The following PPP1R10 variants were observed in gnomAD, a reference collection of about 807,000 sequenced individuals.
PPP1R10 encodes the protein serine/threonine-protein phosphatase 1 regulatory subunit 10.
PPP1R10 carries 15 observed loss-of-function variants against 99.0 expected under a neutral mutation model. The ratio of observed to expected loss-of-function variants is 0.15; its 90% CI spans 0.10 to 0.23. PPP1R10 has a LOEUF of 0.23. Ranked by LOEUF, PPP1R10 falls within the 10% of genes least tolerant of loss-of-function variation. The pLI, the probability that PPP1R10 is intolerant of heterozygous loss-of-function variation, is 1.00. For synonymous variants in PPP1R10, 430 were observed against 449.5 expected (o/e 0.96, Z 0.55); for missense variants, 947 against 1,259.4 (o/e 0.75, Z 3.75).
chr6:30,605,799 G>A (rs2127441257), intron 10 of PPP1R10, 124 bp downstream of exon 10: 1 of 918,716 alleles, frequency 1.1e-6, no homozygotes, highest in African/African-American at 1.7e-5. Flanking sequence ...GGCGGAGCTT[G>A]CAGTGAGCCA....
Position 30,601,427 on chromosome 6 carries a change from A to AG in PPP1R10, c.*121dup, listed in dbSNP as rs1803299539. The AG allele has an allele frequency of 1.3e-6, 1 of 764,308 alleles. No homozygotes were observed. The highest frequency in any genetic ancestry group is 2.7e-5 in the East Asian group (1 of 37,506). 47.3% of individuals were successfully genotyped at this position (764,308 alleles called of 1,614,324 possible). A position where few individuals can be genotyped will look rare whatever the true frequency, so the allele number is the denominator to read the frequency against. ...CAGGAACCCAAGCAAGTGGGAACTG[A>AG]GGGGGCCGGCTCCTCATCAGCTGGG... is the stretch of plus-strand genomic sequence containing the variant. On this transcript the variant is annotated 3_prime_UTR_variant, in exon 20 of 20. Coordinates refer to ENST00000376511, the MANE Select transcript of PPP1R10 (RefSeq NM_002714.4).
chr6:30,611,945 C>T (rs543145772), intron 2 of PPP1R10, among the ~76,000 whole-genome samples: 1 of 152,220 alleles, frequency 6.6e-6, no homozygotes, highest in South Asian at 2.1e-4. Context: ...AGGTATTCTT[C>T]CCATGTAGTG....
At chr6:30,607,052 ACTTGG>A (rs1281693963) in intron 6 of PPP1R10, among the ~76,000 whole-genome samples, 196 bp from the exon 7 acceptor site, 3 of 152,256 alleles carry the variant, frequency 2.0e-5, no homozygotes, top group Non-Finnish European at 2.9e-5. Context: ...GTTGTGTTCT[ACTTGG>A]ATAACTTTCA....
chr6:30,616,292 G>A (rs1190966099), intron 2 of PPP1R10, among the ~76,000 whole-genome samples, 186 bp downstream of exon 2: 2 of 152,204 alleles, frequency 1.3e-5, no homozygotes, highest in African/African-American at 2.4e-5. Flanking sequence ...TAGGTGGTAG[G>A]GGAGAGAGAA....
In PPP1R10 at chr6:30,604,139, C is replaced by A. The variant is rs749016537; in HGVS notation, c.1377G>T (p.Val459=). The stretch of plus-strand genomic sequence containing the variant: ...CCAGGGGCCGGGGGCACACCCAGGG[C>A]ACCTTCTCCTCCATGTTATCATGGC... ...RLSHDNMEEK[V]PWVCPRPLVL... Residue 459 remains valine, a synonymous_variant, in exon 14 of 20, where the codon GTG becomes GTT. Coordinates refer to ENST00000376511, the MANE Select transcript of PPP1R10 (RefSeq NM_002714.4). This position sits in a 1 kb window ranked among gnomAD's most constrained non-coding sequence, Gnocchi z 7.3. 9.9e-6 allele frequency: 16 copies of A among 1,614,032 alleles called. No homozygotes were observed. Among genetic ancestry groups the A allele is most frequent in the Non-Finnish European group, 1.4e-5 (16 of 1,180,028 alleles).
rs1436065875 is a variant in PPP1R10 at position 30,609,377 on chromosome 6, G to C, written c.108-214C>G. On this transcript the variant is annotated intron_variant, in intron 3 of 19. Coordinates refer to ENST00000376511, the MANE Select transcript of PPP1R10 (RefSeq NM_002714.4). The surrounding 1 kb of genome is among the most constrained non-coding windows in gnomAD (Gnocchi z 4.5). ...ACACCGCAGTCTCTGACCTGGGGAG[G>C]AGAGCATCGCTGCCTCCGTAACACA... is the stretch of plus-strand genomic sequence containing the variant. 6.6e-6 allele frequency among the ~76,000 whole-genome samples: 1 copy of C among 152,128 alleles called. No homozygotes were observed. Among genetic ancestry groups the C allele is most frequent in the African/African-American group, 2.4e-5 (1 of 41,418 alleles).
chr6:30,605,569 G>A (rs1803847112), intron 10 of PPP1R10, among the ~76,000 whole-genome samples: 1 of 152,084 alleles, frequency 6.6e-6, no homozygotes, highest in Admixed American at 6.5e-5. Context: ...TCCCATAAGA[G>A]TTTGCTCCTG....
Position 30,603,611 on chromosome 6 carries a change from C to A in PPP1R10, c.1628G>T (p.Gly543Val), listed in dbSNP as rs1483735884. Residue 543 changes from glycine (G) to valine (V), a missense_variant, in exon 16 of 20, where the codon GGT (glycine) becomes GTT (valine). Physicochemically the swap from Gly to Val is moderately radical, Grantham distance 109. This residue lies in a region of PPP1R10 where 525 missense variants were observed against 578.8 expected (regional missense o/e 0.91). Transcript: ENST00000376511. ...GCCTCCTGCCCCATCAGGTGAGCCA[C>A]CTGACCCCCCAGGTTCCAGAGTCTC... ...YVETLEPGGS[G>V]GSPDGAGGSK... The A allele has an allele frequency of 2.5e-6, 4 of 1,613,602 alleles. No homozygotes were observed. The African/African-American group carries it at 4.0e-5, about 16-fold the overall frequency.
chr6:30,611,986 A>G (rs1297387358), intron 2 of PPP1R10, among the ~76,000 whole-genome samples: 1 of 152,210 alleles, frequency 6.6e-6, no homozygotes, highest in East Asian at 1.9e-4. Flanking sequence ...TAGAAACTAT[A>G]AAGAGATACG....
rs975685846 is a variant in PPP1R10, at chr6:30,609,731, C to G, written c.107+107G>C. ...ATTTTAATCCTATTGCACTGACTAT[C>G]TTTCCCTTTCCTTTCCAGGATCATT... On this transcript the variant is annotated intron_variant, in intron 3 of 19. Transcript: ENST00000376511. The surrounding 1 kb of genome is among the most constrained non-coding windows in gnomAD (Gnocchi z 4.5). The G allele has an allele frequency of 8.8e-5, 87 of 985,374 alleles. No individual in the cohort carries two copies. The African/African-American group carries it at 9.3e-4, about 11-fold the overall frequency. 61.0% of individuals were successfully genotyped at this position (985,374 alleles called of 1,614,324 possible).
At position 30,602,163 on chromosome 6, in the gene PPP1R10, T is replaced by C. The variant is rs1196220538; in HGVS notation, c.2486A>G (p.His829Arg). Residue 829 changes from histidine (H) to arginine (R), a missense_variant, in exon 19 of 20, where the codon CAT becomes CGT. Physicochemically the swap from His to Arg is conservative, Grantham distance 29 (BLOSUM62 0). Coordinates refer to ENST00000376511, the MANE Select transcript of PPP1R10 (RefSeq NM_002714.4). The surrounding 1 kb of genome is among the most constrained non-coding windows in gnomAD (Gnocchi z 6.7). ...PGGGMGAGGG[H>R]RPHEGPGGSM... ...TCCGCCAGGGCCTTCGTGGGGGCGA[T>C]GTCCACCACCGGCACCCATTCCTCC... 1.9e-6 allele frequency: 3 copies of C among 1,610,290 alleles called. No individual in the cohort carries two copies. In the African/African-American group the frequency reaches 4.0e-5, roughly 22 times the overall value.
chr6:30,606,078 C>G lies in PPP1R10; in HGVS notation c.741-43G>C. The G allele has an allele frequency of 8.1e-6, 13 of 1,612,794 alleles. No individual in the cohort carries two copies. The highest frequency in any genetic ancestry group is 1.1e-5 in the Non-Finnish European group (13 of 1,178,820). ...GTCATCAACATCTCCGACTCACCCCCTCCTGCTCCCTTGTGTCCACAGATC... is the reference window on the plus strand; with the variant it reads ...GTCATCAACATCTCCGACTCACCCCGTCCTGCTCCCTTGTGTCCACAGATC... On this transcript the variant is annotated intron_variant, in intron 9 of 19. Transcript: ENST00000376511. This position sits in a 1 kb window ranked among gnomAD's most constrained non-coding sequence, Gnocchi z 6.3.
chr6:30,609,192 G>A lies in PPP1R10; in HGVS notation c.108-29C>T. ...CAGAAGATGAGTTAGGGTTAGAAAT[G>A]AAGCAGCCAGTATCTCTTCTCTTAG... On this transcript the variant is annotated intron_variant, in intron 3 of 19. Coordinates refer to ENST00000376511, the MANE Select transcript of PPP1R10 (RefSeq NM_002714.4). The surrounding 1 kb of genome is among the most constrained non-coding windows in gnomAD (Gnocchi z 4.5). The A allele has an allele frequency of 1.2e-6, 2 of 1,605,598 alleles. No homozygotes were observed. Among genetic ancestry groups the A allele is most frequent in the Non-Finnish European group, 8.5e-7 (1 of 1,173,780 alleles).
At chr6:30,613,908 G>A (rs1337160339) in intron 2 of PPP1R10, among the ~76,000 whole-genome samples, 1 of 152,202 alleles carries the variant, frequency 6.6e-6, no homozygotes, top group Non-Finnish European at 1.5e-5. Context: ...CAACAGACAT[G>A]TGAAGAGTCC....
chr6:30,608,365 G>C (rs528692429), intron 5 of PPP1R10, among the ~76,000 whole-genome samples: 1 of 150,140 alleles, frequency 6.7e-6, no homozygotes, highest in African/African-American at 2.5e-5. Flanking sequence ...GCAGTGGTGC[G>C]ATCTCGGCTC....
At position 30,616,914 on chromosome 6, in the gene PPP1R10, G is replaced by C. The variant is rs1760640917; in HGVS notation, c.-448C>G. Reference sequence around the variant, plus strand: ...TGTTTTCCCTTTCCCCCCTCTCTCAGGATCCTTTCAAGGGCTTAGATGTTG... The same window carrying C: ...TGTTTTCCCTTTCCCCCCTCTCTCACGATCCTTTCAAGGGCTTAGATGTTG... On this transcript the variant is annotated 5_prime_UTR_variant, in exon 2 of 20. Coordinates refer to ENST00000376511, the MANE Select transcript of PPP1R10 (RefSeq NM_002714.4). 1 of 152,366 alleles carries C rather than the reference G, an allele frequency of 6.6e-6. No homozygotes were observed. The highest frequency in any genetic ancestry group is 1.9e-4 in the East Asian group (1 of 5,186). 9.4% of individuals were successfully genotyped at this position (152,366 alleles called of 1,614,324 possible).
chr6:30,607,716 A>G (rs925932782), intron 6 of PPP1R10, 124 bp downstream of exon 6: 16 of 1,096,248 alleles, frequency 1.5e-5, no homozygotes, highest in Non-Finnish European at 2.2e-5. Flanking sequence ...AAAAGAAGGA[A>G]AAAAAGCAAG....
At chr6:30,605,135 C>T (rs1803795974) in intron 10 of PPP1R10, 41 bp from the exon 11 acceptor site, 2 of 1,552,004 alleles carry the variant, frequency 1.3e-6, no homozygotes, top group East Asian at 4.5e-5. Context: ...ATCAGACCTC[C>T]TTCATAATCC....
In PPP1R10 at chr6:30,604,745, A is replaced by T. The variant is rs749038816; in HGVS notation, c.955-10T>A. ...CTTCAAAGGGGCTTGGCTATTGTGA[A>T]AGAAAAGGAAGTTAATGAACTGACT... On this transcript the variant is annotated splice_polypyrimidine_tract_variant and intron_variant, in intron 11 of 19. Transcript: ENST00000376511. This position sits in a 1 kb window ranked among gnomAD's most constrained non-coding sequence, Gnocchi z 7.3. 4 of 1,612,896 alleles carry T rather than the reference A, an allele frequency of 2.5e-6. No individual in the cohort carries two copies. The highest frequency in any genetic ancestry group is 2.5e-6 in the Non-Finnish European group (3 of 1,180,000).
Sources: allele counts gnomAD v4.1 joint callset (sites outside exome capture counted in the v4.1 genomes callset), GRCh38; gene constraint gnomAD v4.1.1; regional missense constraint gnomAD v4.1.1; non-coding constraint Gnocchi (gnomAD v3.1); transcripts MANE v1.5; gene names NCBI Gene and HGNC (gene_info 2026-07-23, HGNC 2026-07-21).